ADARB2: variants seen among roughly 807,000 people sequenced by gnomAD.
ADARB2 encodes the protein inactive double-stranded RNA-specific editase B2.
ADARB2 carries 25 observed loss-of-function variants against 62.2 expected under a neutral mutation model. The ratio of observed to expected loss-of-function variants is 0.40; its 90% CI spans 0.29 to 0.56. The LOEUF is 0.56. Ranked by LOEUF, ADARB2 falls within the 20% of genes least tolerant of loss-of-function variation. The pLI is 0.43. For synonymous variants in ADARB2, 572 were observed against 500.8 expected (o/e 1.14, Z -1.90); for missense variants, 1,071 against 1,077.4 (o/e 0.99, Z 0.08).
intron 1 of ADARB2, among the ~76,000 whole-genome samples, chr10:1,561,195 A>T (rs1832780958): frequency 6.6e-6 from 1 of 152,140 alleles, no homozygotes; most frequent in Non-Finnish European, 1.5e-5. Flanking sequence ...TTTTTCTTTG[A>T]AATGTGTTGT....
intron 1 of ADARB2, among the ~76,000 whole-genome samples, chr10:1,633,695 T>C (rs1833878695): frequency 6.6e-6 from 1 of 152,158 alleles, no homozygotes; most frequent in Non-Finnish European, 1.5e-5. Context: ...CACACTATCT[T>C]ATATTGAATA....
intron 1 of ADARB2, among the ~76,000 whole-genome samples, chr10:1,516,540 GCTCTGTGCGGGC>G (rs1832011671): frequency 1.3e-5 from 2 of 151,748 alleles, no homozygotes; most frequent in African/African-American, 4.8e-5. Flanking sequence ...GGGCTGCTCT[GCTCTGTGCGGGC>G]TGCTGTGTGC....
intron 1 of ADARB2, among the ~76,000 whole-genome samples, chr10:1,494,320 T>C (rs935524428): frequency 5.9e-5 from 9 of 152,222 alleles, no homozygotes; most frequent in African/African-American, 2.2e-4. Context: ...CTACTTTTGA[T>C]TGAATAGTGT....
chr10:1,339,052 C>A (rs893564361), intron 3 of ADARB2, among the ~76,000 whole-genome samples: 6 of 152,192 alleles, frequency 3.9e-5, no homozygotes, highest in Non-Finnish European at 8.8e-5. Context: ...TAGGATGTAT[C>A]TTTCCAAGTT....
intron 1 of ADARB2, among the ~76,000 whole-genome samples, chr10:1,621,140 C>A (rs950855624): frequency 1.3e-5 from 2 of 152,092 alleles, no homozygotes; most frequent in Non-Finnish European, 2.9e-5. Context: ...AACAAACATG[C>A]CAATCATTCA....
chr10:1,368,015 G>A (rs1188081598), intron 2 of ADARB2, among the ~76,000 whole-genome samples: 2 of 152,174 alleles, frequency 1.3e-5, no homozygotes, highest in East Asian at 1.9e-4. Context: ...GGCCCTCTGG[G>A]GGGTGATATC....
At chr10:1,441,372 A>G (rs1403934913) in intron 1 of ADARB2, among the ~76,000 whole-genome samples, 1 of 152,266 alleles carries the variant, frequency 6.6e-6, no homozygotes, top group Non-Finnish European at 1.5e-5. Flanking sequence ...CATCTGAAAG[A>G]AAGAAGAGTT....
At position 1,656,348 on chromosome 10, in the gene ADARB2, G is replaced by A. The variant is rs1252565580; in HGVS notation, c.100+80703C>T. Reference sequence around the variant, plus strand: ...CAGGAATCCCTGCCAGCCTCCCAGGGTCCACGTGTAATTCTACTTTTCTCT... The same window carrying A: ...CAGGAATCCCTGCCAGCCTCCCAGGATCCACGTGTAATTCTACTTTTCTCT... On this transcript the variant is annotated intron_variant, in intron 1 of 9. Transcript: ENST00000381312. 2.0e-5 allele frequency among the ~76,000 whole-genome samples: 3 copies of A among 152,278 alleles called. No individual in the cohort carries two copies. The East Asian group carries it at 5.8e-4, about 29-fold the overall frequency.
At chr10:1,220,065 G>GATGGTGATGGTGATGATGGTGGTA (rs1564225146) in intron 6 of ADARB2, among the ~76,000 whole-genome samples, 1 of 146,054 alleles carries the variant, frequency 6.8e-6, no homozygotes, top group African/African-American at 2.6e-5. Context: ...TGGTGGTGAT[G>GATGGTGATGGTGATGATGGTGGTA]ATGGTGATGG....
At chr10:1,664,167 T>C (rs567782789) in intron 1 of ADARB2, among the ~76,000 whole-genome samples, 37 of 152,208 alleles carry the variant, frequency 2.4e-4, no homozygotes, top group Admixed American at 2.3e-3. Flanking sequence ...TGCCCGTGTT[T>C]CTGTGCCTGT....
intron 1 of ADARB2, among the ~76,000 whole-genome samples, chr10:1,488,201 A>C (rs1831567160): frequency 6.8e-6 from 1 of 147,898 alleles, no homozygotes; most frequent in Non-Finnish European, 1.5e-5. Context: ...GAAAAGATAC[A>C]GACATTATCT....
At chr10:1,480,146 C>G (rs1020538997) in intron 1 of ADARB2, among the ~76,000 whole-genome samples, 1 of 151,974 alleles carries the variant, frequency 6.6e-6, no homozygotes, top group Non-Finnish European at 1.5e-5. Flanking sequence ...GAGAAAGATA[C>G]TTTACCACTT....
At chr10:1,498,161 T>C (rs1223152890) in intron 1 of ADARB2, among the ~76,000 whole-genome samples, 1 of 151,840 alleles carries the variant, frequency 6.6e-6, no homozygotes, top group Non-Finnish European at 1.5e-5. Context: ...TCACCTGGGG[T>C]CAGGAGTTCG....
intron 5 of ADARB2, among the ~76,000 whole-genome samples, chr10:1,237,569 C>T (rs1244300162): frequency 9.0e-4 from 2 of 2,224 alleles, no homozygotes; most frequent in African/African-American, 4.2e-3. Flanking sequence ...CTCCCCTCTG[C>T]CTCCCGGTGT....
chr10:1,472,486 T>C (rs1831337078), intron 1 of ADARB2, among the ~76,000 whole-genome samples: 1 of 152,188 alleles, frequency 6.6e-6, no homozygotes, highest in South Asian at 2.1e-4. Context: ...CGTGGGGGTG[T>C]ACCCAAGTGG....
intron 8 of ADARB2, among the ~76,000 whole-genome samples, chr10:1,197,583 C>T (rs1007478286): frequency 5.9e-5 from 9 of 152,188 alleles, no homozygotes; most frequent in African/African-American, 9.7e-5. Context: ...ATGTTCATCA[C>T]GTGAACATAA....
Position 1,316,213 on chromosome 10 carries a change from C to T in ADARB2, c.1078-45144G>A, listed in dbSNP as rs368025959. Among the ~76,000 whole-genome samples the T allele has an allele frequency of 6.6e-5, 10 of 152,326 alleles. No homozygotes were observed. The East Asian group carries it at 1.3e-3, about 21-fold the overall frequency. Reference sequence around the variant, plus strand: ...TAATTTTTGAAGCGAGTTCATTTCCCCTTCCGAGTCAGCTCCCACATCCCT... The same window carrying T: ...TAATTTTTGAAGCGAGTTCATTTCCTCTTCCGAGTCAGCTCCCACATCCCT... On this transcript the variant is annotated intron_variant, in intron 3 of 9. Transcript: ENST00000381312.
In ADARB2 at chr10:1,735,038, G is replaced by A. The variant is rs377257105; in HGVS notation, c.100+2013C>T. 9.2e-4 allele frequency among the ~76,000 whole-genome samples: 140 copies of A among 152,240 alleles called. 1 individual carries two copies. The highest frequency in any genetic ancestry group is 3.3e-3 in the African/African-American group (135 of 41,534). ...GATCAGTTACATCTACATGGTTAAC[G>A]TTTCCCCAAAAATTGAATCTTTAGC... On this transcript the variant is annotated intron_variant, in intron 1 of 9. Coordinates refer to ENST00000381312, the MANE Select transcript of ADARB2 (RefSeq NM_018702.4).
At chr10:1,216,728 G>A (rs1243937532) in intron 7 of ADARB2, 6 of 611,058 alleles carry the variant, frequency 9.8e-6, no homozygotes, top group South Asian at 6.2e-5. Context: ...CGGCAGCCTC[G>A]GGTGGCAGGG....
Sources: gnomAD v4.1 joint callset for allele counts (sites outside exome capture counted in the v4.1 genomes callset) on GRCh38, gnomAD v4.1.1 for gene constraint, MANE v1.5 for transcripts, NCBI Gene and HGNC (gene_info 2026-07-23, HGNC 2026-07-21) for gene names.